Variants in SLC39A8 observed in about 807,000 individuals in gnomAD.
SLC39A8 encodes the protein metal cation symporter ZIP8.
A neutral mutation model predicts 40.4 loss-of-function variants in SLC39A8; 15 were observed. The ratio of observed to expected loss-of-function variants is 0.37; its 90% confidence interval spans 0.25 to 0.57. The LOEUF is 0.57. Ranked by LOEUF, SLC39A8 falls within the 20% of genes least tolerant of loss-of-function variation. The probability of loss-of-function intolerance (pLI) is 0.75; values close to 1 mark genes in which losing one functional copy is unlikely to be tolerated. For synonymous variants in SLC39A8, 223 were observed against 221.6 expected (o/e 1.01, Z -0.06); for missense variants, 472 against 558.8 (o/e 0.84, Z 1.57).
intron 6 of SLC39A8, among the ~76,000 whole-genome samples, chr4:102,294,672 C>A (rs370642116): frequency 3.3e-5 from 5 of 152,082 alleles, no homozygotes; most frequent in East Asian, 1.9e-4. Context: ...ATAGAAGCAA[C>A]CCTTATTGCA....
chr4:102,255,047 A>G (rs996185556), intron 11 of SLC39A8, among the ~76,000 whole-genome samples: 4 of 152,220 alleles, frequency 2.6e-5, no homozygotes, highest in Non-Finnish European at 5.9e-5. Flanking sequence ...AATAGAAATT[A>G]TCCATGAGTT....
chr4:102,293,169 A>T (rs576153428), intron 6 of SLC39A8, among the ~76,000 whole-genome samples: 1 of 152,136 alleles, frequency 6.6e-6, no homozygotes, highest in South Asian at 2.1e-4. Flanking sequence ...TCAGCCAAGT[A>T]CAGATTACCT....
At chr4:102,332,269 G>A (rs539717257) in intron 2 of SLC39A8, among the ~76,000 whole-genome samples, 1 of 152,160 alleles carries the variant, frequency 6.6e-6, no homozygotes, top group Non-Finnish European at 1.5e-5. Flanking sequence ...CTATCCATCT[G>A]ACAAAGGGCT....
intron 6 of SLC39A8, among the ~76,000 whole-genome samples, chr4:102,284,553 A>C (rs1733069916): frequency 6.6e-6 from 1 of 152,206 alleles, no homozygotes; most frequent in Non-Finnish European, 1.5e-5. Context: ...TTAATATAGC[A>C]TCACTGATTT....
At chr4:102,343,039 T>G (rs150352561) in intron 2 of SLC39A8, among the ~76,000 whole-genome samples, 2 of 152,350 alleles carry the variant, frequency 1.3e-5, no homozygotes, top group African/African-American at 4.8e-5. Context: ...TTTATTTTCT[T>G]AAATATTAGC....
At chr4:102,323,461 T>C (rs2149046292) in intron 2 of SLC39A8, among the ~76,000 whole-genome samples, 1 of 152,346 alleles carries the variant, frequency 6.6e-6, no homozygotes, top group African/African-American at 2.4e-5. Flanking sequence ...TTTTGATGCA[T>C]CTGATTCTTG....
At chr4:102,295,179 A>T (rs1481233484) in intron 6 of SLC39A8, among the ~76,000 whole-genome samples, 1 of 148,050 alleles carries the variant, frequency 6.8e-6, no homozygotes, top group Non-Finnish European at 1.5e-5. Context: ...AAATATATAT[A>T]TTATATATAT....
chr4:102,251,496 C>G (rs779568914), exon 12 of SLC39A8: 9 of 152,158 alleles, frequency 5.9e-5, no homozygotes, highest in Non-Finnish European at 1.2e-4. Context: ...CAAAACTCGA[C>G]CTCTGTCCTC....
intron 6 of SLC39A8, among the ~76,000 whole-genome samples, chr4:102,283,863 T>A (rs967210068): frequency 2.6e-5 from 4 of 152,214 alleles, no homozygotes; most frequent in Non-Finnish European, 5.9e-5. Flanking sequence ...ACTCTGTTCA[T>A]CTTTCTGTTC....
At chr4:102,318,036 C>T (rs1336087903) in intron 2 of SLC39A8, among the ~76,000 whole-genome samples, 1 of 152,060 alleles carries the variant, frequency 6.6e-6, no homozygotes, top group African/African-American at 2.4e-5. Flanking sequence ...ATAACATGAA[C>T]ATGTATACTG....
chr4:102,344,327 G>A (rs764131205), intron 2 of SLC39A8, 117 bp downstream of exon 2: 29 of 700,580 alleles, frequency 4.1e-5, no homozygotes, highest in Non-Finnish European at 6.2e-5. Context: ...CCTTCTACTT[G>A]AGAAATATAA....
chr4:102,300,907 T>G (rs924089221), intron 6 of SLC39A8, among the ~76,000 whole-genome samples: 5 of 152,036 alleles, frequency 3.3e-5, no homozygotes, highest in African/African-American at 9.7e-5. Flanking sequence ...TTCTTTTGAT[T>G]TTTTGTGCAA....
intron 6 of SLC39A8, among the ~76,000 whole-genome samples, chr4:102,282,791 A>G (rs1164571422): frequency 6.6e-6 from 1 of 152,142 alleles, no homozygotes; most frequent in East Asian, 1.9e-4. Flanking sequence ...CAGTGACGCA[A>G]TCTTGGCTCA....
chr4:102,285,638 T>C (rs975009771), intron 6 of SLC39A8, among the ~76,000 whole-genome samples: 5 of 151,730 alleles, frequency 3.3e-5, no homozygotes, highest in African/African-American at 1.2e-4. Context: ...GGTGTGTGTG[T>C]GTGTGTGTGC....
intron 3 of SLC39A8, among the ~76,000 whole-genome samples, chr4:102,310,704 G>T (rs982332598): frequency 6.6e-6 from 1 of 152,054 alleles, no homozygotes; most frequent in South Asian, 2.1e-4. Context: ...TTCAACTGAA[G>T]CACTTTCCAC....
chr4:102,343,120 C>T (rs1413068188), intron 2 of SLC39A8, among the ~76,000 whole-genome samples: 1 of 152,008 alleles, frequency 6.6e-6, no homozygotes. Flanking sequence ...AATACCATGC[C>T]CAGAACTGGA....
rs1266986449 is a variant in SLC39A8 at position 102,307,546 on chromosome 4, T to C, written c.442A>G (p.Ile148Val). 6.2e-7 allele frequency: 1 copy of C among 1,613,372 alleles called. No individual in the cohort carries two copies. The highest frequency in any genetic ancestry group is 1.1e-5 in the South Asian group (1 of 91,052). Residue 148 changes from isoleucine (I) to valine (V), a missense_variant, in exon 4 of 9, where the codon ATT becomes GTT. Transcript: ENST00000356736. ...GATTTCTTTATCAGTGGAGTCAAAATCAATCCGAGGAGAGATGCCAGATTA... is the reference window on the plus strand; with the variant it reads ...GATTTCTTTATCAGTGGAGTCAAAACCAATCCGAGGAGAGATGCCAGATTA... ...IINLASLLGL[I>V]LTPLIKKSYF...
chr4:102,317,409 T>C (rs1055598658), intron 2 of SLC39A8, among the ~76,000 whole-genome samples: 57 of 152,262 alleles, frequency 3.7e-4, no homozygotes, highest in Non-Finnish European at 6.5e-4. Context: ...TTTGAGTTTA[T>C]GATTAATGAT....
chr4:102,332,139 T>C (rs909790736), intron 2 of SLC39A8, among the ~76,000 whole-genome samples: 2 of 152,072 alleles, frequency 1.3e-5, no homozygotes, highest in Admixed American at 1.3e-4. Context: ...CCAAAAGCAA[T>C]GGCAACAAAA....
Sources: allele counts gnomAD v4.1 joint callset (sites outside exome capture counted in the v4.1 genomes callset), GRCh38; gene constraint gnomAD v4.1.1; transcripts MANE v1.5; gene names NCBI Gene and HGNC (gene_info 2026-07-23, HGNC 2026-07-21).